CDK8: variants seen among roughly 807,000 people sequenced by gnomAD.
The protein encoded by CDK8 is cyclin dependent kinase 8.
In CDK8, 29 loss-of-function variants were observed where a neutral mutation model predicts 71.5. That is an observed-to-expected ratio of 0.41 (90% CI 0.30 to 0.55). The LOEUF is 0.55. Ranked by LOEUF, CDK8 falls within the 20% of genes least tolerant of loss-of-function variation. The probability of loss-of-function intolerance (pLI) is 0.37; values close to 1 mark genes in which losing one functional copy is unlikely to be tolerated. For missense variants in CDK8, 288 were observed against 572.6 expected (o/e 0.50, Z 5.07); for synonymous variants, 161 against 192.1 (o/e 0.84, Z 1.34).
At chr13:26,400,340 T>A (rs562494735) in intron 9 of CDK8, 113 bp from the exon 10 acceptor site, 1 of 687,526 alleles carries the variant, frequency 1.5e-6, no homozygotes, top group East Asian at 2.6e-5. Context: ...GGGGAATAAA[T>A]ATTTTCCAAA....
intron 1 of CDK8, among the ~76,000 whole-genome samples, chr13:26,322,266 G>A (rs972229303): frequency 6.6e-6 from 1 of 152,028 alleles, no homozygotes; most frequent in Non-Finnish European, 1.5e-5. Context: ...TTAAAGAATG[G>A]TATGAAATTC....
intron 12 of CDK8, among the ~76,000 whole-genome samples, chr13:26,403,482 T>TA (rs1278879561): frequency 6.6e-5 from 10 of 152,122 alleles, no homozygotes; most frequent in African/African-American, 2.4e-4. Context: ...TTAAAGGGCA[T>TA]AAAAATGTAT....
chr13:26,271,325 C>G (rs1872310368), intron 1 of CDK8, among the ~76,000 whole-genome samples: 2 of 152,104 alleles, frequency 1.3e-5, no homozygotes, highest in Admixed American at 1.3e-4. Flanking sequence ...ATAGAGCATA[C>G]TCAGACACCT....
intron 1 of CDK8, among the ~76,000 whole-genome samples, chr13:26,331,132 C>A (rs1313968957): frequency 6.6e-6 from 1 of 152,138 alleles, no homozygotes; most frequent in Non-Finnish European, 1.5e-5. Flanking sequence ...TTAATGAATG[C>A]CATCCTCACC....
intron 4 of CDK8, chr13:26,358,922 G>T (rs113503473): frequency 0.029 from 5,455 of 188,570 alleles, 306 homozygotes; most frequent in African/African-American, 0.12. Context: ...AGCTACTTGG[G>T]AGGCTGAGGT....
intron 1 of CDK8, among the ~76,000 whole-genome samples, chr13:26,319,086 A>G (rs192369226): frequency 1.1e-3 from 175 of 152,360 alleles, no homozygotes; most frequent in African/African-American, 4.0e-3. Context: ...GATAAAAGTG[A>G]GTATACAAAA....
At chr13:26,340,445 T>C (rs1451121214) in intron 2 of CDK8, among the ~76,000 whole-genome samples, 1 of 152,122 alleles carries the variant, frequency 6.6e-6, no homozygotes, top group African/African-American at 2.4e-5. Flanking sequence ...GAGGAGTGGA[T>C]ATTAGTATAA....
chr13:26,329,469 G>GTTTTTTTTTTTTTTTTTTTTTTT (rs35796023), intron 1 of CDK8, among the ~76,000 whole-genome samples: 4 of 71,578 alleles, frequency 5.6e-5, no homozygotes, highest in African/African-American at 1.2e-4. Flanking sequence ...GCCTATTTCT[G>GTTTTTTTTTTTTTTTTTTTTTTT]TTTTTTTTTT....
intron 2 of CDK8, among the ~76,000 whole-genome samples, chr13:26,338,105 A>C (rs950671461): frequency 1.3e-5 from 2 of 152,064 alleles, no homozygotes; most frequent in Non-Finnish European, 1.5e-5. Context: ...ATAGTTTTCC[A>C]TATTGTGATT....
intron 1 of CDK8, among the ~76,000 whole-genome samples, chr13:26,310,413 G>C (rs913523153): frequency 2.0e-5 from 3 of 152,132 alleles, no homozygotes; most frequent in Non-Finnish European, 4.4e-5. Context: ...GGTGGTTTTG[G>C]ATGATTCTAG....
chr13:26,317,534 T>A (rs144269175), intron 1 of CDK8, among the ~76,000 whole-genome samples: 429 of 152,328 alleles, frequency 2.8e-3, no homozygotes, highest in Middle Eastern at 6.8e-3. Context: ...ATAGGCAATA[T>A]GTTAGACCAC....
intron 4 of CDK8, among the ~76,000 whole-genome samples, chr13:26,368,427 A>G (rs1348715733): frequency 6.6e-6 from 1 of 152,174 alleles, no homozygotes; most frequent in Non-Finnish European, 1.5e-5. Context: ...TCCTAAACAC[A>G]TTGTACAGTA....
chr13:26,302,441 A>G (rs901170731), intron 1 of CDK8, among the ~76,000 whole-genome samples: 14 of 152,170 alleles, frequency 9.2e-5, no homozygotes, highest in Non-Finnish European at 4.4e-5. Flanking sequence ...AGTGTTCGCG[A>G]TTCATTTGGA....
chr13:26,288,103 T>C (rs1566472855), intron 1 of CDK8, among the ~76,000 whole-genome samples: 1 of 151,994 alleles, frequency 6.6e-6, no homozygotes, highest in South Asian at 2.1e-4. Context: ...GCTGGGACTA[T>C]AGGCACGTGC....
At chr13:26,361,784 C>CTTTTTTTTTTTTTTTTTTTTTTTTTTT (rs553508554) in intron 4 of CDK8, among the ~76,000 whole-genome samples, 1 of 63,306 alleles carries the variant, frequency 1.6e-5, no homozygotes. Context: ...TTTCTTTTCC[C>CTTTTTTTTTTTTTTTTTTTTTTTTTTT]TTTTTTTTTT....
chr13:26,377,727 T>A (rs1333202229), intron 4 of CDK8, among the ~76,000 whole-genome samples: 1 of 152,178 alleles, frequency 6.6e-6, no homozygotes, highest in Non-Finnish European at 1.5e-5. Flanking sequence ...CAGGTTTATC[T>A]CTATCACTTA....
chr13:26,374,293 G>A (rs756278966), intron 4 of CDK8, among the ~76,000 whole-genome samples: 1 of 151,984 alleles, frequency 6.6e-6, no homozygotes, highest in Admixed American at 6.6e-5. Flanking sequence ...GCTCATTATC[G>A]TCAGTAAGTA....
At chr13:26,328,889 G>A (rs1875154565) in intron 1 of CDK8, among the ~76,000 whole-genome samples, 1 of 151,996 alleles carries the variant, frequency 6.6e-6, no homozygotes, top group Admixed American at 6.6e-5. Context: ...TCTGTTCTAG[G>A]ATATCTCCTC....
chr13:26,286,870 T>G (rs192491361), intron 1 of CDK8, among the ~76,000 whole-genome samples: 53 of 151,938 alleles, frequency 3.5e-4, no homozygotes, highest in Admixed American at 8.5e-4. Context: ...CAAAAGAAAA[T>G]ATACAAATGG....
Sources: allele counts gnomAD v4.1 joint callset (sites outside exome capture counted in the v4.1 genomes callset), GRCh38; gene constraint gnomAD v4.1.1; transcripts MANE v1.5; gene names NCBI Gene and HGNC (gene_info 2026-07-23, HGNC 2026-07-21).